Variants in RPS6KA2 observed in about 807,000 individuals in gnomAD.
RPS6KA2 encodes the protein ribosomal protein S6 kinase alpha-2.
Under a neutral mutation model 91.8 loss-of-function variants are expected in RPS6KA2, and 42 were observed. The ratio of observed to expected loss-of-function variants is 0.46; its 90% CI spans 0.36 to 0.59. The LOEUF (loss-of-function observed/expected upper bound fraction) is 0.59, where lower values mean the gene tolerates loss of function less well. Ranked by LOEUF, RPS6KA2 falls within the 20% of genes least tolerant of loss-of-function variation. RPS6KA2 has a pLI of 0.00. For synonymous variants in RPS6KA2, 414 were observed against 393.6 expected (o/e 1.05, Z -0.61); for missense variants, 798 against 978.5 (o/e 0.82, Z 2.46).
chr6:166,414,014 C>T, intron 19 of RPS6KA2, 83 bp from the exon 20 acceptor site: 1 of 1,313,130 alleles, frequency 7.6e-7, no homozygotes, highest in Non-Finnish European at 1.1e-6. Flanking sequence ...GAACTCCTCT[C>T]CCTCTATGGC....
intron 3 of RPS6KA2, among the ~76,000 whole-genome samples, chr6:166,524,683 C>T (rs1327276303): frequency 6.6e-6 from 1 of 152,202 alleles, no homozygotes; most frequent in Non-Finnish European, 1.5e-5. Context: ...TTACACTTTC[C>T]AAGCCTTTGC....
chr6:166,789,186 A>G (rs1779010752), intron 2 of RPS6KA2, among the ~76,000 whole-genome samples: 1 of 152,184 alleles, frequency 6.6e-6, no homozygotes, highest in African/African-American at 2.4e-5. Context: ...CCACGGCCTT[A>G]AAAAACAGCG....
intron 2 of RPS6KA2, among the ~76,000 whole-genome samples, chr6:166,732,000 A>G (rs1275639077): frequency 6.6e-6 from 1 of 152,318 alleles, no homozygotes; most frequent in African/African-American, 2.4e-5. Flanking sequence ...GTAGATGGAA[A>G]GGCCTCATAG....
intron 2 of RPS6KA2, among the ~76,000 whole-genome samples, chr6:166,826,441 C>A (rs1246559823): frequency 6.6e-6 from 1 of 152,178 alleles, no homozygotes; most frequent in East Asian, 1.9e-4. Flanking sequence ...CTGGGATGAC[C>A]TAAATCAGAT....
chr6:166,571,514 T>A (rs1784686304), intron 1 of RPS6KA2, among the ~76,000 whole-genome samples: 1 of 152,390 alleles, frequency 6.6e-6, no homozygotes, highest in East Asian at 1.9e-4. Flanking sequence ...TGGGCGTGTG[T>A]GTGCATGAAT....
intron 2 of RPS6KA2, among the ~76,000 whole-genome samples, chr6:166,857,175 G>T (rs1780926197): frequency 6.6e-6 from 1 of 152,182 alleles, no homozygotes; most frequent in Non-Finnish European, 1.5e-5. Flanking sequence ...TTCAGCATCT[G>T]AGCAGACCAT....
At chr6:166,758,659 C>T (rs1372409182) in intron 2 of RPS6KA2, among the ~76,000 whole-genome samples, 1 of 152,196 alleles carries the variant, frequency 6.6e-6, no homozygotes, top group Admixed American at 6.5e-5. Flanking sequence ...AACTGACAAT[C>T]GCCTTCGAGG....
In RPS6KA2 at chr6:166,564,710, C is replaced by T. The variant is rs115689594; in HGVS notation, c.100-25926G>A. Among the ~76,000 whole-genome samples the T allele has an allele frequency of 4.2e-3, 632 of 152,276 alleles. 8 individuals are homozygous for T. Among genetic ancestry groups the T allele is most frequent in the African/African-American group, 0.015 (611 of 41,540 alleles). ...TAAAAACAGCTGTTTTCCAAATACACAAATAACGCAGTCTAGAAAAACTGG... is the reference window on the plus strand; with the variant it reads ...TAAAAACAGCTGTTTTCCAAATACATAAATAACGCAGTCTAGAAAAACTGG... On this transcript the variant is annotated intron_variant, in intron 1 of 20. Coordinates refer to ENST00000265678, the MANE Select transcript of RPS6KA2 (RefSeq NM_021135.6).
intron 2 of RPS6KA2, among the ~76,000 whole-genome samples, chr6:166,764,036 G>C (rs1778240098): frequency 6.6e-6 from 1 of 152,244 alleles, no homozygotes; most frequent in Non-Finnish European, 1.5e-5. Context: ...AGAATGCGAA[G>C]TGTTTGGGGA....
At chr6:166,568,756 T>C (rs3823201) in intron 1 of RPS6KA2, among the ~76,000 whole-genome samples, 36,616 of 151,310 alleles carry the variant, frequency 0.24, 4,570 homozygotes, top group Middle Eastern at 0.38. Flanking sequence ...TGGAGGTGAC[T>C]GTGCTTGTCC....
intron 2 of RPS6KA2, among the ~76,000 whole-genome samples, chr6:166,811,474 A>C (rs943647842): frequency 2.0e-5 from 3 of 152,222 alleles, no homozygotes; most frequent in Non-Finnish European, 4.4e-5. Flanking sequence ...AAAACTATAA[A>C]TATGAGCCAG....
chr6:166,690,443 C>T (rs1372777808), intron 2 of RPS6KA2, among the ~76,000 whole-genome samples: 2 of 152,226 alleles, frequency 1.3e-5, no homozygotes, highest in Non-Finnish European at 2.9e-5. Flanking sequence ...ATCACAAGAT[C>T]AGACAGTCTG....
At chr6:166,631,675 C>T (rs1298992154), upstream of RPS6KA2, among the ~76,000 whole-genome samples, 1 of 152,200 alleles carries the variant, frequency 6.6e-6, no homozygotes, top group East Asian at 1.9e-4. Context: ...TGGTGCCTTC[C>T]ATGGTGTCAG....
Position 166,471,287 on chromosome 6 carries a change from G to T in RPS6KA2, c.908-1382C>A, listed in dbSNP as rs1189495766. Among the ~76,000 whole-genome samples the T allele has an allele frequency of 2.0e-5, 3 of 152,226 alleles. No individual in the cohort carries two copies. In the East Asian group the frequency reaches 5.8e-4, roughly 29 times the overall value. ...AGGTCACCGGGAGTCACAGCAGATGGTGCCATCGTTGGCTGGAACTGCCCG... is the reference window on the plus strand; with the variant it reads ...AGGTCACCGGGAGTCACAGCAGATGTTGCCATCGTTGGCTGGAACTGCCCG... On this transcript the variant is annotated intron_variant, in intron 10 of 20. Transcript: ENST00000265678.
chr6:166,647,980 TCA>T lies in RPS6KA2; in HGVS notation c.124-109198_124-109197del, dbSNP rs869162164. ...CATGCTTACATACATACACACATGC[TCA>T]CACACACGCACATGCTCACACACGC... On this transcript the variant is annotated intron_variant, in intron 2 of 21. Transcript: ENST00000503859. Among the ~76,000 whole-genome samples the T allele has an allele frequency of 0.014, 865 of 62,444 alleles. 24 individuals are homozygous for T. The East Asian group carries it at 0.17, about 12-fold the overall frequency. The allele number at this position is 62,444 out of a possible 152,430, so 41.0% of individuals were successfully genotyped here. A position where few individuals can be genotyped will look rare whatever the true frequency, so the allele number is the denominator to read the frequency against.
chr6:166,478,472 G>A lies in RPS6KA2; in HGVS notation c.908-8567C>T, dbSNP rs537275843. On this transcript the variant is annotated intron_variant, in intron 10 of 20. Transcript: ENST00000265678. ...AGGGTGGATTTCCCGGGTGAGCTTC[G>A]GGACTCTGGCATTGGCCTCAATGTT... Among the ~76,000 whole-genome samples the A allele has an allele frequency of 1.1e-3, 172 of 152,270 alleles. 1 individual carries two copies. Among genetic ancestry groups the A allele is most frequent in the African/African-American group, 4.0e-3 (166 of 41,546 alleles).
chr6:166,650,577 A>T (rs1289536164), intron 2 of RPS6KA2, among the ~76,000 whole-genome samples: 1 of 152,210 alleles, frequency 6.6e-6, no homozygotes, highest in Non-Finnish European at 1.5e-5. Flanking sequence ...GGAAATGATG[A>T]TGACTGTTCA....
intron 2 of RPS6KA2, among the ~76,000 whole-genome samples, chr6:166,695,769 TAGGAGCACTGGATTCTCAC>T (rs1562387973): frequency 1.0e-4 from 13 of 127,546 alleles, no homozygotes; most frequent in Non-Finnish European, 1.7e-4. Context: ...TGGATTCTCA[TAGGAGCACTGGATTCTCAC>T]AGGAGCACTG....
intron 19 of RPS6KA2, among the ~76,000 whole-genome samples, chr6:166,417,119 A>G (rs1384432776): frequency 6.6e-6 from 1 of 152,244 alleles, no homozygotes; most frequent in African/African-American, 2.4e-5. Flanking sequence ...TCTGATGGGC[A>G]AACGAAATAA....
Sources: allele counts gnomAD v4.1 joint callset (sites outside exome capture counted in the v4.1 genomes callset), GRCh38; gene constraint gnomAD v4.1.1; transcripts MANE v1.5; gene names NCBI Gene and HGNC (gene_info 2026-07-23, HGNC 2026-07-21).